Variants in SPATA9 observed in about 807,000 individuals in gnomAD.
The protein encoded by SPATA9 is spermatogenesis associated 9, also known as spermatogenesis-associated protein 9.
SPATA9 carries 27 observed loss-of-function variants against 25.5 expected under a neutral mutation model. The ratio of observed to expected loss-of-function variants is 1.06; its 90% CI spans 0.78 to 1.46. The LOEUF (loss-of-function observed/expected upper bound fraction) is 1.46. Ranked by LOEUF, SPATA9 falls within the 40% of genes most tolerant of loss-of-function variation. The pLI, the probability that SPATA9 is intolerant of heterozygous loss-of-function variation, is 0.00. For missense variants in SPATA9, 282 were observed against 297.5 expected (o/e 0.95, Z 0.38); for synonymous variants, 102 against 105.7 (o/e 0.97, Z 0.21).
chr5:95,686,542 C>T (rs973657582), upstream of SPATA9, among the ~76,000 whole-genome samples: 3 of 152,072 alleles, frequency 2.0e-5, no homozygotes, highest in Non-Finnish European at 4.4e-5. Flanking sequence ...GATTGTGTAT[C>T]ACCTTGCTTA....
upstream of SPATA9, among the ~76,000 whole-genome samples, chr5:95,683,971 C>T (rs1753650968): frequency 6.6e-6 from 1 of 152,160 alleles, no homozygotes; most frequent in South Asian, 2.1e-4. Flanking sequence ...CTGAAAGTGT[C>T]TTCATGGGAA....
the SPATA9 span, chr5:95,731,403 T>C: frequency 3.0e-5 from 36 of 1,182,994 alleles, no homozygotes; most frequent in Non-Finnish European, 3.8e-5. Context: ...CTGCGTCCAC[T>C]TGGGGCTGTG....
At chr5:95,718,170 T>C in the SPATA9 span, among the ~76,000 whole-genome samples, 1 of 152,292 alleles carries the variant, frequency 6.6e-6, no homozygotes, top group African/African-American at 2.4e-5. Flanking sequence ...TTTTTTTTTC[T>C]TTTAAAAAAA....
At chr5:95,652,224 C>G, downstream of SPATA9, 1 of 1,530,616 alleles carries the variant, frequency 6.5e-7, no homozygotes, top group South Asian at 1.2e-5. Context: ...AGATTGGACA[C>G]TCTACTGATC....
intron 2 of SPATA9, among the ~76,000 whole-genome samples, chr5:95,682,301 T>G (rs549304194): frequency 1.3e-5 from 2 of 152,312 alleles, no homozygotes; most frequent in South Asian, 4.1e-4. Context: ...ATAGTTAATG[T>G]CTTTAAACTT....
At chr5:95,668,332 T>C (rs1409224466) in intron 3 of SPATA9, among the ~76,000 whole-genome samples, 1 of 152,260 alleles carries the variant, frequency 6.6e-6, no homozygotes, top group East Asian at 1.9e-4. Context: ...ATGCTTTTAA[T>C]AATTACTTTT....
the SPATA9 span, among the ~76,000 whole-genome samples, chr5:95,721,048 G>A: frequency 6.6e-6 from 1 of 152,098 alleles, no homozygotes; most frequent in African/African-American, 2.4e-5. Flanking sequence ...AATTTTACCC[G>A]GTGGTAATTA....
At chr5:95,655,928 A>AG, downstream of SPATA9, 1 of 837,148 alleles carries the variant, frequency 1.2e-6, no homozygotes, top group Non-Finnish European at 1.9e-6. Context: ...TGTACATAGG[A>AG]GGAAAAAAAG....
chr5:95,705,829 C>T, the SPATA9 span, among the ~76,000 whole-genome samples: 2 of 152,172 alleles, frequency 1.3e-5, no homozygotes, highest in East Asian at 1.9e-4. Context: ...TGGTCAAAAT[C>T]TATCTCAACA....
At chr5:95,711,867 G>A in the SPATA9 span, among the ~76,000 whole-genome samples, 1 of 152,242 alleles carries the variant, frequency 6.6e-6, no homozygotes, top group African/African-American at 2.4e-5. Context: ...ATAGCCGGGA[G>A]CTTGGGTAAC....
At chr5:95,686,120 G>A (rs1229845533), upstream of SPATA9, among the ~76,000 whole-genome samples, 1 of 152,130 alleles carries the variant, frequency 6.6e-6, no homozygotes, top group Non-Finnish European at 1.5e-5. Flanking sequence ...TTACAGACGT[G>A]AGCCACCGTG....
In SPATA9 at chr5:95,675,436, C is replaced by A. The variant is rs776296440; in HGVS notation, c.354G>T (p.Pro118=). 1 of 1,614,082 alleles carries A rather than the reference C, an allele frequency of 6.2e-7. No homozygotes were observed. Among genetic ancestry groups the A allele is most frequent in the Non-Finnish European group, 8.5e-7 (1 of 1,180,002 alleles). ...CCTGAATGTTATATAGGGGTTGCCTCGGCGCATTAACTTCCCTCAGCAGAC... is the reference window on the plus strand; with the variant it reads ...CCTGAATGTTATATAGGGGTTGCCTAGGCGCATTAACTTCCCTCAGCAGAC... ...SGRLLREVNA[P]RQPLYNIQVR... The change falls in exon 3 of 5, where the codon CCG becomes CCT. Residue 118 remains proline, a synonymous_variant. Coordinates refer to ENST00000274432, the MANE Select transcript of SPATA9 (RefSeq NM_031952.4).
At chr5:95,730,982 C>T in the SPATA9 span, 5 of 568,768 alleles carry the variant, frequency 8.8e-6, no homozygotes, top group South Asian at 6.0e-5. Context: ...CTTCCCTAAC[C>T]TCCTTTTTCC....
At position 95,658,460 on chromosome 5, in the gene SPATA9, C is replaced by T. The variant is rs1561391422; in HGVS notation, c.*163G>A. ...CACATCAATATTCATTTTATTTACT[C>T]TATCATGTAAATACTAGAAAATGAC... On this transcript the variant is annotated 3_prime_UTR_variant, in exon 5 of 5. Transcript: ENST00000274432. 4 of 719,856 alleles carry T rather than the reference C, an allele frequency of 5.6e-6. No individual in the cohort carries two copies. Among genetic ancestry groups the T allele is most frequent in the Non-Finnish European group, 8.2e-6 (4 of 485,110 alleles). The allele number at this position is 719,856 out of a possible 1,614,324, so 44.6% of individuals were successfully genotyped here.
downstream of SPATA9, chr5:95,654,120 T>C (rs1750555287): frequency 6.2e-7 from 1 of 1,611,660 alleles, no homozygotes; most frequent in East Asian, 2.2e-5. Flanking sequence ...TCTGTGTGTG[T>C]GGGCAGAGAA....
the SPATA9 span, among the ~76,000 whole-genome samples, chr5:95,712,546 G>A: frequency 1.3e-5 from 2 of 152,232 alleles, no homozygotes; most frequent in African/African-American, 4.8e-5. Flanking sequence ...AGGGCAGGGT[G>A]TGTGTAGGGC....
At position 95,675,946 on chromosome 5, in the gene SPATA9, C is replaced by T. The variant is rs536475663; in HGVS notation, c.151-307G>A. Reference sequence around the variant, plus strand: ...AAGCAATTTTCCTGACTCAGCCTCCCGAGTAACTGGGCATACACGCAAGCA... The same window carrying T: ...AAGCAATTTTCCTGACTCAGCCTCCTGAGTAACTGGGCATACACGCAAGCA... On this transcript the variant is annotated intron_variant, in intron 2 of 4. Transcript: ENST00000274432. Among the ~76,000 whole-genome samples, 4 of 151,694 alleles carry T rather than the reference C, an allele frequency of 2.6e-5. 1 individual carries two copies. Among genetic ancestry groups the T allele is most frequent in the South Asian group, 2.1e-4 (1 of 4,802 alleles).
At chr5:95,686,806 G>A (rs1311822680), upstream of SPATA9, among the ~76,000 whole-genome samples, 2 of 152,098 alleles carry the variant, frequency 1.3e-5, no homozygotes, top group Non-Finnish European at 2.9e-5. Flanking sequence ...CACAGCCTGG[G>A]GTATGTCCCT....
At chr5:95,699,142 G>T (rs2106843), upstream of SPATA9, among the ~76,000 whole-genome samples, 14,301 of 152,184 alleles carry the variant, frequency 0.094, 787 homozygotes, top group Middle Eastern at 0.2. Context: ...TTTAATGAAG[G>T]AACAAAATGT....
Sources: gnomAD v4.1 joint callset for allele counts (sites outside exome capture counted in the v4.1 genomes callset) on GRCh38, gnomAD v4.1.1 for gene constraint, MANE v1.5 for transcripts, NCBI Gene and HGNC (gene_info 2026-07-23, HGNC 2026-07-21) for gene names.